The following UACA variants were observed in gnomAD, a reference collection of about 807,000 sequenced individuals.
UACA encodes the protein nuclear membrane binding protein.
A neutral mutation model predicts 160.5 loss-of-function variants in UACA; 112 were observed. The observed-to-expected ratio is 0.70, with a 90% CI of 0.60 to 0.82. The LOEUF (loss-of-function observed/expected upper bound fraction) is 0.82. UACA is among the 40% of genes least tolerant of loss of function. The probability of loss-of-function intolerance (pLI) is 0.00; values close to 1 mark genes in which losing one functional copy is unlikely to be tolerated. For synonymous variants in UACA, 557 were observed against 568.4 expected, an observed-to-expected ratio of 0.98 and a Z score of 0.29; for missense variants, 1,574 against 1,614.6, an observed-to-expected ratio of 0.97 and a Z score of 0.43.
At position 70,687,633 on chromosome 15, in the gene UACA, G is replaced by A; in HGVS notation, c.509C>T (p.Pro170Leu). ...ACTCATCTGAGTAGCCAGAACAAGTGGTGTCCGCCCGTCCTAAGCAACAGG... is the reference window on the plus strand; with the variant it reads ...ACTCATCTGAGTAGCCAGAACAAGTAGTGTCCGCCCGTCCTAAGCAACAGG... ...VNAKDVDGRT[P>L]LVLATQMSRP... The change falls in exon 7 of 19, where the codon CCA becomes CTA. Residue 170 changes from proline to leucine, a missense_variant. Pro to Leu is a moderately conservative substitution (Grantham distance 98, BLOSUM62 -3). Coordinates refer to ENST00000322954, the MANE Select transcript of UACA (RefSeq NM_018003.4). 1 of 1,613,874 alleles carries A rather than the reference G, an allele frequency of 6.2e-7. No individual in the cohort carries two copies. The highest frequency in any genetic ancestry group is 8.5e-7 in the Non-Finnish European group (1 of 1,179,844).
intron 1 of UACA, among the ~76,000 whole-genome samples, chr15:70,749,844 G>A (rs913800988): frequency 4.0e-5 from 6 of 151,762 alleles, no homozygotes; most frequent in African/African-American, 7.3e-5. Flanking sequence ...CTATTCACCC[G>A]AACTGAATAT....
intron 3 of UACA, among the ~76,000 whole-genome samples, chr15:70,693,364 A>G (rs1035111822): frequency 6.6e-6 from 1 of 152,122 alleles, no homozygotes; most frequent in African/African-American, 2.4e-5. Flanking sequence ...AAATATCTCA[A>G]AACTGCACTA....
At chr15:70,725,665 TTAA>T (rs1238495188) in intron 1 of UACA, among the ~76,000 whole-genome samples, 1 of 152,186 alleles carries the variant, frequency 6.6e-6, no homozygotes, top group African/African-American at 2.4e-5. Flanking sequence ...TGTGATCTTA[TTAA>T]TAATATGTTT....
At chr15:70,674,321 G>T (rs1208027593) in intron 13 of UACA, among the ~76,000 whole-genome samples, 1 of 152,084 alleles carries the variant, frequency 6.6e-6, no homozygotes, top group Non-Finnish European at 1.5e-5. Flanking sequence ...CATACTGAAT[G>T]GGAACAGTTA....
intron 1 of UACA, among the ~76,000 whole-genome samples, chr15:70,721,362 A>C (rs1198342261): frequency 6.6e-6 from 1 of 152,206 alleles, no homozygotes; most frequent in Admixed American, 6.5e-5. Flanking sequence ...GCGGTGGCTC[A>C]CGCCTGTAAT....
chr15:70,702,309 A>G (rs1218180584), intron 1 of UACA: 2 of 1,000,512 alleles, frequency 2.0e-6, no homozygotes, highest in African/African-American at 1.7e-5. Context: ...AGTGCATGAT[A>G]AAACTGTCCA....
chr15:70,674,751 C>G (rs966394935), intron 13 of UACA, among the ~76,000 whole-genome samples: 1 of 152,150 alleles, frequency 6.6e-6, no homozygotes, highest in Non-Finnish European at 1.5e-5. Context: ...GCATGTGCCA[C>G]CACGCCCTGC....
Position 70,668,998 on chromosome 15 carries a change from T to G in UACA, c.1686A>C (p.Lys562Asn), listed in dbSNP as rs1035144433. The change falls in exon 16 of 19, where the codon AAA becomes AAC. Residue 562 changes from lysine to asparagine, a missense_variant. By Grantham distance (94) the Lys-to-Asn change is moderately conservative. Coordinates refer to ENST00000322954, the MANE Select transcript of UACA (RefSeq NM_018003.4). Reference sequence around the variant, plus strand: ...CATTTTGTTTGATTTGGTTTCTTAATTTCCCCACTTCTGCTGAAGCACCTT... The same window carrying G: ...CATTTTGTTTGATTTGGTTTCTTAAGTTCCCCACTTCTGCTGAAGCACCTT... ...KYEGASAEVG[K>N]LRNQIKQNEM... The G allele has an allele frequency of 1.2e-6, 2 of 1,613,794 alleles. No individual in the cohort carries two copies. Among genetic ancestry groups the G allele is most frequent in the African/African-American group, 2.7e-5 (2 of 74,932 alleles).
intron 1 of UACA, among the ~76,000 whole-genome samples, chr15:70,757,521 T>A (rs932684483): frequency 6.6e-6 from 1 of 152,218 alleles, no homozygotes; most frequent in African/African-American, 2.4e-5. Flanking sequence ...TCATCCCTTC[T>A]TCATCTATTA....
At chr15:70,703,196 T>C (rs1898425673) in intron 1 of UACA, 1 of 1,289,098 alleles carries the variant, frequency 7.8e-7, no homozygotes, top group Non-Finnish European at 1.0e-6. Context: ...TTGTTGTTTT[T>C]TAACCATGTT....
At chr15:70,755,546 TG>T (rs753170177) in intron 1 of UACA, among the ~76,000 whole-genome samples, 3 of 151,974 alleles carry the variant, frequency 2.0e-5, no homozygotes, top group Admixed American at 6.6e-5. Context: ...GACAGGAGCC[TG>T]TAGTACCAGC....
intron 1 of UACA, among the ~76,000 whole-genome samples, chr15:70,757,392 T>A (rs1403800033): frequency 6.6e-6 from 1 of 152,206 alleles, no homozygotes; most frequent in African/African-American, 2.4e-5. Context: ...CCTCTGACAA[T>A]CATGTCTATA....
chr15:70,702,543 T>C (rs1898401958), intron 1 of UACA, among the ~76,000 whole-genome samples: 1 of 152,202 alleles, frequency 6.6e-6, no homozygotes, highest in South Asian at 2.1e-4. Flanking sequence ...TGTGACATAA[T>C]GACAACATTT....
At chr15:70,675,978 T>C (rs896708366) in intron 13 of UACA, among the ~76,000 whole-genome samples, 10 of 152,214 alleles carry the variant, frequency 6.6e-5, no homozygotes, top group African/African-American at 2.4e-4. Flanking sequence ...ATTTGTTCTT[T>C]ATAAATTTTC....
the UACA span, among the ~76,000 whole-genome samples, chr15:70,773,041 A>G: frequency 6.6e-6 from 1 of 151,148 alleles, no homozygotes; most frequent in Non-Finnish European, 1.5e-5. Flanking sequence ...GCAAGACTTC[A>G]TCTCAAAAAA....
At chr15:70,696,609 G>A (rs189183861) in intron 2 of UACA, among the ~76,000 whole-genome samples, 3 of 152,250 alleles carry the variant, frequency 2.0e-5, no homozygotes, top group Admixed American at 6.5e-5. Context: ...CTGGTAAAAG[G>A]AATATAGTAT....
At chr15:70,753,844 C>G (rs533742620) in intron 1 of UACA, among the ~76,000 whole-genome samples, 19 of 152,298 alleles carry the variant, frequency 1.2e-4, no homozygotes, top group African/African-American at 4.3e-4. Flanking sequence ...CTCGCTCCAT[C>G]GCCCAGGCTG....
intron 1 of UACA, among the ~76,000 whole-genome samples, chr15:70,738,844 G>A (rs1431996365): frequency 6.6e-6 from 1 of 152,150 alleles, no homozygotes; most frequent in African/African-American, 2.4e-5. Context: ...TGCTGGGCTG[G>A]GCCAGGTATA....
rs553564261 is a variant in UACA at position 70,761,756 on chromosome 15, A to C, written c.78+1574T>G. 6.6e-5 allele frequency among the ~76,000 whole-genome samples: 10 copies of C among 152,354 alleles called. 1 individual carries two copies. In the South Asian group the frequency reaches 1.9e-3, roughly 28 times the overall value. ...CGCTCAATTGAGTGCTAAAGATTTA[A>C]GCTCAGAGATATGCACTTTATGTTC... On this transcript the variant is annotated intron_variant, in intron 1 of 18. Transcript: ENST00000322954.
Sources: gnomAD v4.1 joint callset for allele counts (sites outside exome capture counted in the v4.1 genomes callset) on GRCh38, gnomAD v4.1.1 for gene constraint, MANE v1.5 for transcripts, NCBI Gene and HGNC (gene_info 2026-07-23, HGNC 2026-07-21) for gene names.